PDE4D: variants seen among roughly 807,000 people sequenced by gnomAD.
PDE4D encodes the protein phosphodiesterase 4D.
Under a neutral mutation model 87.4 loss-of-function variants are expected in PDE4D, and 24 were observed. The observed-to-expected ratio is 0.27, with a 90% CI of 0.20 to 0.39. The LOEUF is 0.39. PDE4D is among the 10% of genes least tolerant of loss of function. PDE4D has a pLI of 1.00. For synonymous variants in PDE4D, 384 were observed against 383.2 expected, an observed-to-expected ratio of 1.00 and a Z score of -0.02; for missense variants, 714 against 1,041.0, an observed-to-expected ratio of 0.69 and a Z score of 4.32.
At chr5:60,124,446 T>C (rs914963279) in intron 2 of PDE4D, among the ~76,000 whole-genome samples, 7 of 136,182 alleles carry the variant, frequency 5.1e-5, no homozygotes, top group African/African-American at 1.6e-4. Context: ...ACTCAGTTGA[T>C]AGCCTATTTC....
At chr5:59,003,238 C>G (rs918082212) in intron 6 of PDE4D, among the ~76,000 whole-genome samples, 1 of 152,162 alleles carries the variant, frequency 6.6e-6, no homozygotes, top group Non-Finnish European at 1.5e-5. Context: ...TGCTTCATCA[C>G]ATCCCTCTGT....
chr5:60,396,101 T>A (rs1253172228), intron 1 of PDE4D, among the ~76,000 whole-genome samples: 1 of 152,310 alleles, frequency 6.6e-6, no homozygotes, highest in East Asian at 1.9e-4. Flanking sequence ...CAGGGCTACA[T>A]CCACCCAAAG....
chr5:59,153,037 C>T (rs1779675232), intron 5 of PDE4D, among the ~76,000 whole-genome samples: 2 of 151,970 alleles, frequency 1.3e-5, no homozygotes, highest in South Asian at 4.2e-4. Flanking sequence ...ATGAATGAAA[C>T]CACAGCCCAA....
At chr5:60,127,977 AAG>A (rs1779256100) in intron 2 of PDE4D, among the ~76,000 whole-genome samples, 1 of 152,162 alleles carries the variant, frequency 6.6e-6, no homozygotes, top group African/African-American at 2.4e-5. Flanking sequence ...CCAGAGATGA[AAG>A]AGGAAAACTG....
intron 1 of PDE4D, among the ~76,000 whole-genome samples, chr5:59,570,265 A>C (rs1462732052): frequency 6.6e-6 from 1 of 152,202 alleles, no homozygotes; most frequent in Non-Finnish European, 1.5e-5. Context: ...AGTACTCTTT[A>C]ATCTCAGTAT....
At chr5:60,242,715 A>G (rs1747267328) in intron 1 of PDE4D, among the ~76,000 whole-genome samples, 1 of 152,134 alleles carries the variant, frequency 6.6e-6, no homozygotes, top group South Asian at 2.1e-4. Context: ...AAATTAAACA[A>G]TATGCTCCTG....
intron 3 of PDE4D, among the ~76,000 whole-genome samples, chr5:59,975,142 C>T (rs1761177076): frequency 1.3e-5 from 2 of 152,178 alleles, no homozygotes; most frequent in Non-Finnish European, 2.9e-5. Context: ...CTGACTTCTG[C>T]CAGTCCCTTT....
At chr5:59,480,870 TTA>T (rs1804131610) in intron 1 of PDE4D, among the ~76,000 whole-genome samples, 1 of 152,110 alleles carries the variant, frequency 6.6e-6, no homozygotes, top group African/African-American at 2.4e-5. Context: ...TTAAAACAAT[TTA>T]TGTTATTCTC....
intron 1 of PDE4D, among the ~76,000 whole-genome samples, chr5:59,319,165 T>C (rs1330052054): frequency 1.0e-4 from 5 of 47,736 alleles, no homozygotes; most frequent in Non-Finnish European, 2.0e-4. Flanking sequence ...TATATATGTG[T>C]GTGTGTGTGT....
At chr5:59,093,143 C>A (rs1229925006) in intron 5 of PDE4D, among the ~76,000 whole-genome samples, 1 of 151,350 alleles carries the variant, frequency 6.6e-6, no homozygotes, top group Admixed American at 6.6e-5. Context: ...GAAATGGTTA[C>A]GGAGAGTAAA....
At chr5:60,307,167 CAA>C (rs1393802443) in intron 1 of PDE4D, among the ~76,000 whole-genome samples, 2 of 151,896 alleles carry the variant, frequency 1.3e-5, no homozygotes, top group African/African-American at 4.8e-5. Context: ...AAATTCACAA[CAA>C]GAGTTGTAAA....
chr5:60,000,606 C>T (rs1279940515), intron 2 of PDE4D, among the ~76,000 whole-genome samples: 3 of 152,024 alleles, frequency 2.0e-5, no homozygotes, highest in African/African-American at 4.8e-5. Context: ...GTATGCTAGA[C>T]AGCAACACAA....
At chr5:59,469,156 T>C (rs1802033139) in intron 1 of PDE4D, among the ~76,000 whole-genome samples, 1 of 152,092 alleles carries the variant, frequency 6.6e-6, no homozygotes, top group Non-Finnish European at 1.5e-5. Flanking sequence ...TGAAACTCTG[T>C]CTCTACTAAA....
chr5:60,139,088 C>T (rs1368146450), intron 2 of PDE4D, among the ~76,000 whole-genome samples: 1 of 151,174 alleles, frequency 6.6e-6, no homozygotes, highest in East Asian at 1.9e-4. Flanking sequence ...GTTCTAAGAT[C>T]CCTGAAGGTA....
chr5:59,631,900 C>G (rs1831627110), intron 1 of PDE4D, among the ~76,000 whole-genome samples: 1 of 152,126 alleles, frequency 6.6e-6, no homozygotes, highest in Non-Finnish European at 1.5e-5. Flanking sequence ...GACAGCCATT[C>G]AATCCCCTGG....
At position 59,138,298 on chromosome 5, in the gene PDE4D, G is replaced by GT. The variant is rs959558984; in HGVS notation, c.808+42296dup. ...TGATTACATTTTCTTTTTTTGGTTT[G>GT]TTTTTTTTAGACGGAATCTCGCTGT... On this transcript the variant is annotated intron_variant, in intron 5 of 14. Coordinates refer to ENST00000340635, the MANE Select transcript of PDE4D (RefSeq NM_001104631.2). Among the ~76,000 whole-genome samples the GT allele has an allele frequency of 5.3e-5, 8 of 151,930 alleles. No homozygotes were observed. The South Asian group carries it at 1.0e-3, about 20-fold the overall frequency.
At chr5:60,036,396 T>G (rs183441093) in intron 2 of PDE4D, among the ~76,000 whole-genome samples, 53 of 152,308 alleles carry the variant, frequency 3.5e-4, no homozygotes, top group African/African-American at 1.3e-3. Flanking sequence ...AATTCCTGTA[T>G]CAGGAAAAAA....
At chr5:60,302,753 A>G (rs947337021) in intron 1 of PDE4D, among the ~76,000 whole-genome samples, 1 of 151,914 alleles carries the variant, frequency 6.6e-6, no homozygotes, top group African/African-American at 2.4e-5. Context: ...TTTAGTTGTG[A>G]TGTTAGATTG....
At chr5:60,352,122 C>T (rs564906469) in intron 1 of PDE4D, among the ~76,000 whole-genome samples, 16 of 152,068 alleles carry the variant, frequency 1.1e-4, no homozygotes, top group African/African-American at 3.6e-4. Context: ...TCTTTTTAAA[C>T]TCCTATTGTG....
Sources: gnomAD v4.1 joint callset for allele counts (sites outside exome capture counted in the v4.1 genomes callset) on GRCh38, gnomAD v4.1.1 for gene constraint, MANE v1.5 for transcripts, NCBI Gene and HGNC (gene_info 2026-07-23, HGNC 2026-07-21) for gene names.